CD276: variants seen among roughly 807,000 people sequenced by gnomAD.
CD276 encodes the protein CD276 antigen.
A neutral mutation model predicts 50.0 loss-of-function variants in CD276; 34 were observed. The ratio of observed to expected loss-of-function variants is 0.68; its 90% CI spans 0.52 to 0.91. The LOEUF (loss-of-function observed/expected upper bound fraction) is 0.91. CD276 is among the 40% of genes least tolerant of loss of function. The pLI is 0.00. For missense variants in CD276, 634 were observed against 717.5 expected (o/e 0.88, Z 1.33); for synonymous variants, 275 against 313.0 (o/e 0.88, Z 1.28).
Position 73,699,661 on chromosome 15 carries a change from C to T in CD276, c.22C>T (p.Pro8Ser), listed in dbSNP as rs762313492. 5.6e-6 allele frequency: 9 copies of T among 1,613,368 alleles called. No individual in the cohort carries two copies. Among genetic ancestry groups the T allele is most frequent in the Non-Finnish European group, 7.6e-6 (9 of 1,179,760 alleles). Residue 8 changes from proline (P) to serine (S), a missense_variant, in exon 2 of 10, where the codon CCT becomes TCT. Pro to Ser is a moderately conservative substitution (Grantham distance 74, BLOSUM62 -1). Coordinates refer to ENST00000318443, the MANE Select transcript of CD276 (RefSeq NM_001024736.2). ...GAAGATGCTGCGTCGGCGGGGCAGC[C>T]CTGGCATGGGTGTGCATGTGGGTGC... MLRRRGS[P>S]GMGVHVGAAL...
chr15:73,685,339 A>G (rs1223781579), intron 1 of CD276, among the ~76,000 whole-genome samples: 3 of 152,094 alleles, frequency 2.0e-5, no homozygotes, highest in South Asian at 2.1e-4. Flanking sequence ...AGCCTAAGGC[A>G]GGGGATTTAT....
chr15:73,712,970 G>A lies in CD276; in HGVS notation c.*14G>A. 6.2e-7 allele frequency: 1 copy of A among 1,613,542 alleles called. No homozygotes were observed. The highest frequency in any genetic ancestry group is 8.5e-7 in the Non-Finnish European group (1 of 1,179,584). On this transcript the variant is annotated 3_prime_UTR_variant, in exon 10 of 10. Transcript: ENST00000318443. ...GAAATAGCCTGACCATGAGGACCAGGGAGCTGCTACCCCTCCCTACAGCTC... is the reference window on the plus strand; with the variant it reads ...GAAATAGCCTGACCATGAGGACCAGAGAGCTGCTACCCCTCCCTACAGCTC...
chr15:73,688,621 G>T (rs1180141741), intron 1 of CD276, among the ~76,000 whole-genome samples: 1 of 152,206 alleles, frequency 6.6e-6, no homozygotes, highest in Admixed American at 6.5e-5. Context: ...AGTCACTTCT[G>T]CTGGTGGCTG....
rs1274958352 is a variant in CD276, at chr15:73,708,394, C to T, written c.1425C>T (p.Val475=). 1 of 1,614,210 alleles carries T rather than the reference C, an allele frequency of 6.2e-7. No individual in the cohort carries two copies. Among genetic ancestry groups the T allele is most frequent in the Admixed American group, 1.7e-5 (1 of 60,016 alleles). ...EALWVTVGLS[V]CLIALLVALA... ...TGTGGGTGACCGTGGGGCTGTCTGT[C>T]TGTCTCATTGCACTGCTGGTGGCCC... is the stretch of plus-strand genomic sequence containing the variant. Residue 475 remains valine (V), a synonymous_variant, in exon 7 of 10, where the codon GTC becomes GTT. Transcript: ENST00000318443.
intron 4 of CD276, 47 bp from the exon 5 acceptor site, chr15:73,703,612 G>A: frequency 6.9e-7 from 1 of 1,452,456 alleles, no homozygotes; most frequent in Non-Finnish European, 9.4e-7. Context: ...GTAGCCTAGA[G>A]AGTCCCATTT....
rs376481613 is a variant in CD276, at chr15:73,704,348, C to A, written c.1245C>A (p.Asn415Lys). The change falls in exon 6 of 10, where the codon AAC (asparagine) becomes AAA (lysine). Residue 415 changes from asparagine to lysine, a missense_variant. Physicochemically the swap from Asn to Lys is moderately conservative, Grantham distance 94. Transcript: ENST00000318443. The surrounding 1 kb of genome is among the most constrained non-coding windows in gnomAD (Gnocchi z 4.1). ...ACGTGACCACGTCGCAGATGGCCAA[C>A]GAGCAGGGCTTGTTTGATGTGCACA... ...TGNVTTSQMANEQGLFDVHSV... is the reference protein window; with the variant it reads ...TGNVTTSQMAKEQGLFDVHSV... 3 of 1,614,004 alleles carry A rather than the reference C, an allele frequency of 1.9e-6. No homozygotes were observed. Among genetic ancestry groups the A allele is most frequent in the East Asian group, 2.2e-5 (1 of 44,862 alleles).
At chr15:73,694,599 G>T (rs1318369538) in intron 1 of CD276, among the ~76,000 whole-genome samples, 1 of 152,168 alleles carries the variant, frequency 6.6e-6, no homozygotes, top group Non-Finnish European at 1.5e-5. Context: ...TCTTCTGTCT[G>T]CTGCTCTGCC....
intron 8 of CD276, 30 bp from the exon 9 acceptor site, chr15:73,711,105 C>A: frequency 6.2e-7 from 1 of 1,613,788 alleles, no homozygotes; most frequent in Non-Finnish European, 8.5e-7. Flanking sequence ...TGGTTCCTCC[C>A]TCACCGTGTG....
intron 1 of CD276, among the ~76,000 whole-genome samples, chr15:73,697,865 C>G (rs140458807): frequency 2.0e-3 from 312 of 152,308 alleles, no homozygotes; most frequent in African/African-American, 6.1e-3. Context: ...CCACACCCAG[C>G]CATGGGCTTT....
At position 73,702,576 on chromosome 15, in the gene CD276, T is replaced by C. The variant is rs1309632734; in HGVS notation, c.401T>C (p.Val134Ala). ...ATCCGGGATTTCGGCAGCGCTGCCG[T>C]CAGCCTGCAGGTGGCCGGTGAGCAC... is the stretch of plus-strand genomic sequence containing the variant. ...VSIRDFGSAA[V>A]SLQVAAPYSK... The change falls in exon 3 of 10, where the codon GTC becomes GCC. Residue 134 changes from valine to alanine, a missense_variant. Val to Ala is a moderately conservative substitution (Grantham distance 64). Transcript: ENST00000318443. 1.9e-5 allele frequency: 31 copies of C among 1,608,096 alleles called. No homozygotes were observed. Among genetic ancestry groups the C allele is most frequent in the Non-Finnish European group, 2.5e-5 (29 of 1,178,358 alleles).
intron 3 of CD276, 50 bp downstream of exon 3, chr15:73,702,643 C>T (rs370988168): frequency 8.7e-5 from 136 of 1,568,998 alleles, no homozygotes; most frequent in Middle Eastern, 1.7e-4. Context: ...CTCCATTCCC[C>T]CTGCAGCCCA....
Position 73,708,402 on chromosome 15 carries a change from T to C in CD276, c.1433T>C (p.Ile478Thr). ...ACCGTGGGGCTGTCTGTCTGTCTCA[T>C]TGCACTGCTGGTGGCCCTGGCTTTC... Reference protein sequence around the residue: ...WVTVGLSVCLIALLVALAFVC... With the variant: ...WVTVGLSVCLTALLVALAFVC... Residue 478 changes from isoleucine to threonine, a missense_variant, in exon 7 of 10, where the codon ATT becomes ACT. Physicochemically the swap from Ile to Thr is moderately conservative, Grantham distance 89. Transcript: ENST00000318443. 1 of 1,614,190 alleles carries C rather than the reference T, an allele frequency of 6.2e-7. No homozygotes were observed. Among genetic ancestry groups the C allele is most frequent in the African/African-American group, 1.3e-5 (1 of 75,060 alleles).
rs747224843 is a variant in CD276 at position 73,711,172 on chromosome 15, TAA to T, written c.1582+4_1582+5del. 1.4e-5 allele frequency: 23 copies of T among 1,613,706 alleles called. No homozygotes were observed. In the Admixed American group the frequency reaches 1.8e-4, roughly 13 times the overall value. ...TGAAACACTCTGACAGCAAAGAAGG[TAA>T]AGACACCTGGGCTTGAGGTTGTGTC... On this transcript the variant is annotated splice_donor_region_variant and intron_variant, in intron 9 of 9. Coordinates refer to ENST00000318443, the MANE Select transcript of CD276 (RefSeq NM_001024736.2).
At position 73,704,694 on chromosome 15, in the gene CD276, T is replaced by G. The variant is rs1032948396; in HGVS notation, c.1369+222T>G. On this transcript the variant is annotated intron_variant, in intron 6 of 9. Coordinates refer to ENST00000318443, the MANE Select transcript of CD276 (RefSeq NM_001024736.2). This position sits in a 1 kb window ranked among gnomAD's most constrained non-coding sequence, Gnocchi z 4.1. ...CTAAGAGTGCTTTTCGTGGCACTTA[T>G]GCTTCTTATGCAGAGGACAAGGTAC... Among the ~76,000 whole-genome samples the G allele has an allele frequency of 6.6e-6, 1 of 152,234 alleles. No homozygotes were observed. The highest frequency in any genetic ancestry group is 2.4e-5 in the African/African-American group (1 of 41,460).
At chr15:73,692,546 G>A (rs1900024881) in intron 1 of CD276, among the ~76,000 whole-genome samples, 1 of 152,176 alleles carries the variant, frequency 6.6e-6, no homozygotes, top group African/African-American at 2.4e-5. Flanking sequence ...TTAGAACAGA[G>A]CCTGGTGCAT....
Position 73,700,406 on chromosome 15 carries a change from G to A in CD276, c.79+688G>A, listed in dbSNP as rs58035582. ...TCTGCTCTGAGACGGCTTCCTCCGT[G>A]GGGAAGACAAAGCTGAGGGTCTGGC... On this transcript the variant is annotated intron_variant, in intron 2 of 9. Transcript: ENST00000318443. 7.4e-3 allele frequency among the ~76,000 whole-genome samples: 1,127 copies of A among 152,316 alleles called. 24 individuals carry two copies. The highest frequency in any genetic ancestry group is 0.026 in the African/African-American group (1,092 of 41,562).
At chr15:73,694,363 A>G (rs1208575558) in intron 1 of CD276, among the ~76,000 whole-genome samples, 2 of 152,060 alleles carry the variant, frequency 1.3e-5, no homozygotes, top group African/African-American at 2.4e-5. Context: ...TGAGATACCT[A>G]TTTTAGATGT....
chr15:73,709,744 GGA>G (rs1900818980), intron 8 of CD276, 55 bp downstream of exon 8: 2 of 1,560,508 alleles, frequency 1.3e-6, no homozygotes, highest in Non-Finnish European at 1.8e-6. Flanking sequence ...ATATGGGAAA[GGA>G]GAGAGGACTC....
In CD276 at chr15:73,704,005, C is replaced by T. The variant is rs1219181357; in HGVS notation, c.1072+8C>T. ...TCAGCCTGCAGGTGGCCGGTGAGCA[C>T]CAGGAGGGCGACGCCTTCCCCTTGG... On this transcript the variant is annotated splice_region_variant and intron_variant, in intron 5 of 9. Coordinates refer to ENST00000318443, the MANE Select transcript of CD276 (RefSeq NM_001024736.2). The surrounding 1 kb of genome is among the most constrained non-coding windows in gnomAD (Gnocchi z 4.1). The T allele has an allele frequency of 6.2e-7, 1 of 1,605,064 alleles. No homozygotes were observed.
Sources: allele counts gnomAD v4.1 joint callset (sites outside exome capture counted in the v4.1 genomes callset), GRCh38; gene constraint gnomAD v4.1.1; non-coding constraint Gnocchi (gnomAD v3.1); transcripts MANE v1.5; gene names NCBI Gene and HGNC (gene_info 2026-07-23, HGNC 2026-07-21).